Variants in CBR4 observed in about 807,000 individuals in gnomAD.
The protein encoded by CBR4 is carbonyl reductase 4.
A neutral mutation model predicts 21.0 loss-of-function variants in CBR4; 22 were observed. The ratio of observed to expected loss-of-function variants is 1.05; its 90% confidence interval spans 0.75 to 1.50. The LOEUF (loss-of-function observed/expected upper bound fraction) is 1.50. Ranked by LOEUF, CBR4 falls within the 40% of genes most tolerant of loss-of-function variation. The probability of loss-of-function intolerance (pLI) is 0.00; values close to 1 mark genes in which losing one functional copy is unlikely to be tolerated. For missense variants in CBR4, 302 were observed against 286.3 expected (o/e 1.05, Z -0.40); for synonymous variants, 100 against 104.4 (o/e 0.96, Z 0.26).
chr4:168,976,525 G>C (rs1169757386), intron 2 of CBR4, among the ~76,000 whole-genome samples: 1 of 152,208 alleles, frequency 6.6e-6, no homozygotes, highest in African/African-American at 2.4e-5. Flanking sequence ...GGTGGAGTTA[G>C]GAGCAATTTT....
At chr4:168,932,765 A>G (rs1180787914) in intron 2 of CBR4, among the ~76,000 whole-genome samples, 2 of 152,196 alleles carry the variant, frequency 1.3e-5, no homozygotes, top group Non-Finnish European at 2.9e-5. Context: ...AAAAAAAGAA[A>G]TAATATATTC....
chr4:168,935,184 C>G (rs1022173766), intron 2 of CBR4, among the ~76,000 whole-genome samples: 5 of 152,146 alleles, frequency 3.3e-5, no homozygotes, highest in African/African-American at 1.2e-4. Context: ...TGGAGGAACT[C>G]CCTCCCCTAG....
At chr4:168,963,470 C>CT (rs398064262) in intron 2 of CBR4, among the ~76,000 whole-genome samples, 2,847 of 137,512 alleles carry the variant, frequency 0.021, 77 homozygotes, top group African/African-American at 0.055. Context: ...CTGTATAAAT[C>CT]TTTTTTTTTT....
chr4:169,002,234 A>G, intron 3 of CBR4, 29 bp from the exon 4 acceptor site: 1 of 997,182 alleles, frequency 1.0e-6, no homozygotes, highest in Non-Finnish European at 1.4e-6. Flanking sequence ...AAAAAAAAAA[A>G]AAAGCGTATT....
At chr4:168,945,652 C>G (rs1763378710) in intron 2 of CBR4, among the ~76,000 whole-genome samples, 1 of 152,228 alleles carries the variant, frequency 6.6e-6, no homozygotes, top group African/African-American at 2.4e-5. Context: ...CAAAGCCTCT[C>G]TAAGGACATG....
chr4:168,924,493 T>C, intron 2 of CBR4: 2 of 1,367,212 alleles, frequency 1.5e-6, no homozygotes, highest in Non-Finnish European at 2.1e-6. Context: ...ACATTTTATA[T>C]AGCATGGAAA....
chr4:168,957,279 C>T (rs1763715270), intron 2 of CBR4, among the ~76,000 whole-genome samples: 1 of 151,990 alleles, frequency 6.6e-6, no homozygotes, highest in African/African-American at 2.4e-5. Context: ...CTTGAAGAGG[C>T]TTCTAATTAA....
chr4:169,009,716 A>T (rs1254145713), intron 1 of CBR4, among the ~76,000 whole-genome samples: 1 of 152,242 alleles, frequency 6.6e-6, no homozygotes, highest in Non-Finnish European at 1.5e-5. Context: ...GAACACCCCA[A>T]GTGTTCAGCC....
intron 2 of CBR4, among the ~76,000 whole-genome samples, chr4:168,954,651 A>T (rs1763634130): frequency 6.6e-6 from 1 of 152,234 alleles, no homozygotes; most frequent in Non-Finnish European, 1.5e-5. Context: ...TGAAGGTCTC[A>T]AATATTTTGT....
At chr4:168,992,932 T>TA (rs1322391398) in intron 4 of CBR4, among the ~76,000 whole-genome samples, 3 of 152,188 alleles carry the variant, frequency 2.0e-5, no homozygotes, top group Admixed American at 1.3e-4. Flanking sequence ...TTCTCTGCCA[T>TA]AACATCTTAC....
intron 2 of CBR4, among the ~76,000 whole-genome samples, chr4:168,971,296 T>C (rs2126756901): frequency 6.6e-6 from 1 of 152,168 alleles, no homozygotes; most frequent in African/African-American, 2.4e-5. Context: ...TGAGACAGGG[T>C]CTCACTTTGT....
intron 2 of CBR4, among the ~76,000 whole-genome samples, chr4:168,937,150 C>A (rs1311679883): frequency 6.6e-6 from 1 of 152,054 alleles, no homozygotes; most frequent in Non-Finnish European, 1.5e-5. Context: ...GAGTGGGGAC[C>A]AATATTCAAC....
rs1764746179 is a variant in CBR4 at position 168,987,907 on chromosome 4, G to A, written c.*2243C>T. On this transcript the variant is annotated 3_prime_UTR_variant, in exon 5 of 5. Coordinates refer to ENST00000306193, the MANE Select transcript of CBR4 (RefSeq NM_032783.5). ...TATGAAAAAGAGCACAAATTTTAAA[G>A]CCCTCCATGCAAAAAAAAATTAATA... 1.0e-6 allele frequency: 1 copy of A among 982,816 alleles called. No individual in the cohort carries two copies. The highest frequency in any genetic ancestry group is 1.2e-6 in the Non-Finnish European group (1 of 827,762). 60.9% of individuals were successfully genotyped at this position (982,816 alleles called of 1,614,324 possible).
At chr4:168,999,556 T>G (rs1730229122) in intron 4 of CBR4, among the ~76,000 whole-genome samples, 1 of 146,686 alleles carries the variant, frequency 6.8e-6, no homozygotes, top group South Asian at 2.1e-4. Flanking sequence ...TGGAAATCCA[T>G]AATATATAAA....
At chr4:168,914,155 C>T in intron 2 of CBR4, 2 of 687,842 alleles carry the variant, frequency 2.9e-6, no homozygotes, top group Non-Finnish European at 5.2e-6. Context: ...AACCTGAAGC[C>T]TGTGGCTCCT....
At chr4:168,990,880 C>T (rs1244433616) in intron 4 of CBR4, among the ~76,000 whole-genome samples, 1 of 151,878 alleles carries the variant, frequency 6.6e-6, no homozygotes, top group East Asian at 1.9e-4. Context: ...TGGTGAAACC[C>T]CGTCTCTACT....
At chr4:168,970,833 G>GATATAT (rs71588181) in intron 2 of CBR4, among the ~76,000 whole-genome samples, 1,559 of 149,620 alleles carry the variant, frequency 0.01, 16 homozygotes, top group African/African-American at 0.019. Context: ...AGTAGTCCAT[G>GATATAT]ATATATATAT....
intron 3 of CBR4, chr4:169,006,001 T>A: frequency 1.0e-6 from 1 of 966,266 alleles, no homozygotes; most frequent in Non-Finnish European, 1.4e-6. Context: ...TTTCAAGTCA[T>A]TTTGCATTTT....
rs372000469 is a variant in CBR4 at position 169,006,763 on chromosome 4, A to G, written c.392T>C (p.Val131Ala). ...CAAAGGTGAAGACTCACCTACATTA[A>G]CAATAGACCCTCCCTGTTGTTGAAT... ...TMIQQQGGSIVNVGSIVGLKG... is the reference protein window; with the variant it reads ...TMIQQQGGSIANVGSIVGLKG... Residue 131 changes from valine to alanine, a missense_variant, in exon 3 of 5, where the codon GTT (valine) becomes GCT (alanine). Val to Ala is a moderately conservative substitution (Grantham distance 64). Transcript: ENST00000306193. The G allele has an allele frequency of 6.6e-5, 107 of 1,613,364 alleles. No individual in the cohort carries two copies. The highest frequency in any genetic ancestry group is 8.9e-5 in the Non-Finnish European group (105 of 1,179,526).
Sources: allele counts gnomAD v4.1 joint callset (sites outside exome capture counted in the v4.1 genomes callset), GRCh38; gene constraint gnomAD v4.1.1; transcripts MANE v1.5; gene names NCBI Gene and HGNC (gene_info 2026-07-23, HGNC 2026-07-21).